Variants in RAP1A observed in about 807,000 individuals in gnomAD.
RAP1A encodes RAP1A, member of RAS oncogene family, also known as ras-related protein Rap-1A.
In RAP1A, 6 loss-of-function variants were observed where a neutral mutation model predicts 26.4. The observed-to-expected ratio is 0.23, with a 90% CI of 0.12 to 0.45. The LOEUF is 0.45. RAP1A is among the 20% of genes least tolerant of loss of function. RAP1A has a pLI of 0.99. For synonymous variants in RAP1A, 73 were observed against 79.4 expected (o/e 0.92, Z 0.43); for missense variants, 121 against 217.2 (o/e 0.56, Z 2.78).
chr1:111,683,174 T>A (rs749188056), intron 1 of RAP1A, among the ~76,000 whole-genome samples: 4 of 152,144 alleles, frequency 2.6e-5, no homozygotes, highest in Non-Finnish European at 5.9e-5. Flanking sequence ...AAGCAGTGTT[T>A]TGAGGGAAAT....
intron 1 of RAP1A, among the ~76,000 whole-genome samples, chr1:111,670,696 T>G (rs569159004): frequency 1.3e-5 from 2 of 152,106 alleles, no homozygotes; most frequent in African/African-American, 4.8e-5. Context: ...TGACCAGAAG[T>G]AAAAGAGGAA....
chr1:111,575,453 T>C (rs1384379453), intron 1 of RAP1A, among the ~76,000 whole-genome samples: 1 of 152,162 alleles, frequency 6.6e-6, no homozygotes, highest in East Asian at 1.9e-4. Context: ...ACACCCAGCC[T>C]GAAGGTACTA....
chr1:111,711,901 A>T (rs1571580993), intron 7 of RAP1A, among the ~76,000 whole-genome samples: 2 of 152,258 alleles, frequency 1.3e-5, no homozygotes, highest in East Asian at 3.9e-4. Flanking sequence ...AATAAGACTA[A>T]CTTTGATTCT....
chr1:111,619,788 C>T (rs183135557), upstream of RAP1A: 13,858 of 397,734 alleles, frequency 0.035, 727 homozygotes, highest in African/African-American at 0.15. Context: ...GAGGAGGCGC[C>T]GCCGCCGCTC....
At position 111,560,165 on chromosome 1, in the gene RAP1A, A is replaced by G. The variant is rs1263947577; in HGVS notation, c.-28+17656A>G. On this transcript the variant is annotated intron_variant, in intron 1 of 7. Transcript: ENST00000356415. ...AAATTGTCTAGCATTCTCTTAGCAT[A>G]CTTATCTAAACACATGAGATCACAA... 2.6e-5 allele frequency among the ~76,000 whole-genome samples: 4 copies of G among 152,336 alleles called. No homozygotes were observed. The East Asian group carries it at 7.7e-4, about 29-fold the overall frequency.
rs536408104 is a variant in RAP1A, at chr1:111,626,489, T to G, written c.-28+6555T>G. ...CTCTGTTTAACGTCAGAAGTTGTTT[T>G]GTAGAATGGGATGTTAATATTTTTT... On this transcript the variant is annotated intron_variant, in intron 1 of 7. Coordinates refer to ENST00000369709, the MANE Select transcript of RAP1A (RefSeq NM_002884.4). Among the ~76,000 whole-genome samples, 6 of 152,326 alleles carry G rather than the reference T, an allele frequency of 3.9e-5. No homozygotes were observed. In the East Asian group the frequency reaches 1.2e-3, roughly 29 times the overall value.
Position 111,603,486 on chromosome 1 carries a change from A to T in RAP1A, c.-28+60977A>T, listed in dbSNP as rs115020716. Among the ~76,000 whole-genome samples the T allele has an allele frequency of 9.6e-3, 1,466 of 152,348 alleles. 18 individuals carry two copies. The highest frequency in any genetic ancestry group is 0.034 in the African/African-American group (1,398 of 41,586). On this transcript the variant is annotated intron_variant, in intron 1 of 7. Coordinates refer to the RAP1A transcript ENST00000356415. The stretch of plus-strand genomic sequence containing the variant: ...AAGGTGCCAAGTTTGGCAGAGCTGA[A>T]GCCATTGGTAGGATGTTCTGGGGTG...
intron 1 of RAP1A, among the ~76,000 whole-genome samples, chr1:111,656,097 T>C (rs933099247): frequency 9.2e-5 from 14 of 152,180 alleles, no homozygotes; most frequent in African/African-American, 3.4e-4. Context: ...CAGCATTATC[T>C]GTAATAATAG....
At chr1:111,580,851 AAAAAAACAAAAAAC>A (rs200040545) in intron 1 of RAP1A, among the ~76,000 whole-genome samples, 1,617 of 57,884 alleles carry the variant, frequency 0.028, 9 homozygotes, top group Non-Finnish European at 0.052. Flanking sequence ...TCTCAAAAAC[AAAAAAACAAAAAAC>A]AAAAAAAAAA....
At chr1:111,644,632 A>G (rs1660008038) in intron 1 of RAP1A, among the ~76,000 whole-genome samples, 1 of 152,224 alleles carries the variant, frequency 6.6e-6, no homozygotes, top group Admixed American at 6.5e-5. Flanking sequence ...GACATGCACA[A>G]ATAAAAGATA....
intron 1 of RAP1A, among the ~76,000 whole-genome samples, chr1:111,593,091 G>C (rs2800882): frequency 6.6e-6 from 1 of 152,120 alleles, no homozygotes; most frequent in Non-Finnish European, 1.5e-5. Context: ...TGGAGGGGGC[G>C]GGGAGCCGGG....
At chr1:111,624,216 C>T (rs1487471660) in intron 1 of RAP1A, among the ~76,000 whole-genome samples, 1 of 152,106 alleles carries the variant, frequency 6.6e-6, no homozygotes, top group Non-Finnish European at 1.5e-5. Flanking sequence ...TGCTGCATTA[C>T]TTAATGCCAG....
At chr1:111,566,257 G>A (rs1470364312) in intron 1 of RAP1A, among the ~76,000 whole-genome samples, 1 of 152,170 alleles carries the variant, frequency 6.6e-6, no homozygotes, top group Non-Finnish European at 1.5e-5. Flanking sequence ...AGTTAGTGCT[G>A]GTTGCAAAAA....
chr1:111,555,124 G>T (rs1657429802), intron 1 of RAP1A, among the ~76,000 whole-genome samples: 1 of 152,060 alleles, frequency 6.6e-6, no homozygotes, highest in African/African-American at 2.4e-5. Flanking sequence ...CCAACACTCT[G>T]GGAGGCAGAG....
intron 3 of RAP1A, 89 bp from the exon 4 acceptor site, chr1:111,697,352 A>T: frequency 6.3e-7 from 1 of 1,597,408 alleles, no homozygotes; most frequent in Non-Finnish European, 8.5e-7. Context: ...TGTATTTGTT[A>T]ATAGTTACTT....
At chr1:111,647,219 A>G (rs1660098656) in intron 1 of RAP1A, among the ~76,000 whole-genome samples, 1 of 152,178 alleles carries the variant, frequency 6.6e-6, no homozygotes, top group Non-Finnish European at 1.5e-5. Context: ...ATATGTACAT[A>G]ATCTAGCTTG....
At chr1:111,635,184 T>C (rs1056638932) in intron 1 of RAP1A, among the ~76,000 whole-genome samples, 4 of 152,166 alleles carry the variant, frequency 2.6e-5, no homozygotes, top group African/African-American at 9.7e-5. Flanking sequence ...ATGGGAGAAA[T>C]AGGAAAGATT....
At chr1:111,685,280 CT>C (rs1661433832) in intron 1 of RAP1A, among the ~76,000 whole-genome samples, 1 of 152,122 alleles carries the variant, frequency 6.6e-6, no homozygotes, top group Non-Finnish European at 1.5e-5. Context: ...CAAATGGGAT[CT>C]AATTAAACCA....
chr1:111,577,524 T>TC (rs968294804), intron 1 of RAP1A, among the ~76,000 whole-genome samples: 1 of 151,030 alleles, frequency 6.6e-6, no homozygotes, highest in Admixed American at 6.6e-5. Context: ...TATTAAGTGG[T>TC]CAAGATGATC....
Sources: allele counts gnomAD v4.1 joint callset (sites outside exome capture counted in the v4.1 genomes callset), GRCh38; gene constraint gnomAD v4.1.1; transcripts MANE v1.5; gene names NCBI Gene and HGNC (gene_info 2026-07-23, HGNC 2026-07-21).